The following GLDC variants were observed in gnomAD, a reference collection of about 807,000 sequenced individuals.
The protein encoded by GLDC is glycine dehydrogenase (decarboxylating), mitochondrial.
Under a neutral mutation model 121.3 loss-of-function variants are expected in GLDC, and 104 were observed. The observed-to-expected ratio is 0.86, with a 90% CI of 0.73 to 1.01. The LOEUF is 1.01. Among genes scored for constraint, GLDC ranks in the 50% least tolerant of loss-of-function variants. GLDC has a pLI of 0.00. For missense variants in GLDC, 1,429 were observed against 1,306.6 expected, an observed-to-expected ratio of 1.09 and a Z score of -1.44; for synonymous variants, 546 against 480.6, an observed-to-expected ratio of 1.14 and a Z score of -1.78.
At chr9:6,540,489 C>G (rs1023336794) in intron 21 of GLDC, 1 of 339,364 alleles carries the variant, frequency 2.9e-6, no homozygotes, top group African/African-American at 2.1e-5. Context: ...ATAAAATCTA[C>G]TTGCAACAGT....
rs545669935 is a variant in GLDC, at chr9:6,626,602, A to C, written c.335-6283T>G. On this transcript the variant is annotated intron_variant, in intron 2 of 24. Transcript: ENST00000321612. ...ATTTCAAGTGTTTCATTCAAATGTG[A>C]AAATCATCAGAGCTGCTATGGGGGA... 4.3e-3 allele frequency among the ~76,000 whole-genome samples: 649 copies of C among 152,342 alleles called. 1 individual carries two copies. Among genetic ancestry groups the C allele is most frequent in the African/African-American group, 0.014 (599 of 41,576 alleles).
intron 3 of GLDC, among the ~76,000 whole-genome samples, chr9:6,616,924 A>C (rs1587970155): frequency 6.6e-6 from 1 of 152,256 alleles, no homozygotes; most frequent in South Asian, 2.1e-4. Context: ...GCTGACAAAA[A>C]TATACCAAAC....
rs184498089 is a variant in GLDC, at chr9:6,532,788, G to T, written c.*229C>A. On this transcript the variant is annotated 3_prime_UTR_variant, in exon 25 of 25. Coordinates refer to ENST00000321612, the MANE Select transcript of GLDC (RefSeq NM_000170.3). ...AAAACACAAAATGGCTCCCAATCCA[G>T]GCAACTGGCACATGTGGAAGCAGAA... The T allele has an allele frequency of 5.6e-6, 3 of 537,392 alleles. No individual in the cohort carries two copies. Among genetic ancestry groups the T allele is most frequent in the Admixed American group, 3.1e-5 (1 of 32,090 alleles). The allele number at this position is 537,392 out of a possible 1,614,324, so 33.3% of individuals were successfully genotyped here.
chr9:6,533,858 C>CA (rs140518818), intron 24 of GLDC, among the ~76,000 whole-genome samples: 26,086 of 124,968 alleles, frequency 0.21, 2,422 homozygotes, highest in East Asian at 0.31. Context: ...AACTCTATCT[C>CA]AAAAAAAAAA....
chr9:6,592,994 C>T lies in GLDC; in HGVS notation c.1262-4G>A, dbSNP rs549797631. ...TGATGCCCTGCTCGCTTGAGACCTA[C>T]ACAAGATAGGAGATCCCCCAAACTC... On this transcript the variant is annotated splice_region_variant and splice_polypyrimidine_tract_variant and intron_variant, in intron 9 of 24. Coordinates refer to ENST00000321612, the MANE Select transcript of GLDC (RefSeq NM_000170.3). The T allele has an allele frequency of 6.0e-5, 97 of 1,614,096 alleles. 1 individual carries two copies. The South Asian group carries it at 9.1e-4, about 15-fold the overall frequency.
At chr9:6,561,829 T>A (rs1048914688) in intron 16 of GLDC, among the ~76,000 whole-genome samples, 1 of 152,176 alleles carries the variant, frequency 6.6e-6, no homozygotes, top group Non-Finnish European at 1.5e-5. Flanking sequence ...ATCTTTAGAC[T>A]TGTTGAATGA....
At position 6,620,078 on chromosome 9, in the gene GLDC, G is replaced by T. The variant is rs1380986219; in HGVS notation, c.470+106C>A. 5.7e-6 allele frequency: 6 copies of T among 1,054,088 alleles called. No homozygotes were observed. The East Asian group carries it at 1.4e-4, about 25-fold the overall frequency. The allele number at this position is 1,054,088 out of a possible 1,614,324, so 65.3% of individuals were successfully genotyped here. ...CCGGACATTGGAGACAGCACTAGGA[G>T]GTGGGTGTCAGTGTGGAGGCTCTGA... On this transcript the variant is annotated intron_variant, in intron 3 of 24. Transcript: ENST00000321612.
At chr9:6,565,212 G>C (rs1381910477) in intron 16 of GLDC, 142 bp downstream of exon 16, 1 of 759,696 alleles carries the variant, frequency 1.3e-6, no homozygotes, top group African/African-American at 1.7e-5. Context: ...ATAATGGCTA[G>C]TTCACAGAAA....
chr9:6,642,622 C>G lies in GLDC; in HGVS notation c.334+1992G>C, dbSNP rs997091413. On this transcript the variant is annotated intron_variant, in intron 2 of 24. Transcript: ENST00000321612. ...CACTTCCACAGTGAAGAATCAGAAT[C>G]CCTTAATGTTCAAATTATTCAGCTG... Among the ~76,000 whole-genome samples, 3 of 152,156 alleles carry G rather than the reference C, an allele frequency of 2.0e-5. No homozygotes were observed. In the East Asian group the frequency reaches 5.8e-4, roughly 29 times the overall value.
At position 6,620,258 on chromosome 9, in the gene GLDC, C is replaced by A. The variant is rs542613459; in HGVS notation, c.396G>T (p.Ser132=). 3 of 1,612,978 alleles carry A rather than the reference C, an allele frequency of 1.9e-6. No homozygotes were observed. Among genetic ancestry groups the A allele is most frequent in the African/African-American group, 2.7e-5 (2 of 75,036 alleles). ...AGTTATAATAGCCCATGCCAATATACGATCTCCAGATCTGGTTTTTGCTTG... is the reference window on the plus strand; with the variant it reads ...AGTTATAATAGCCCATGCCAATATAAGATCTCCAGATCTGGTTTTTGCTTG... ...AISSKNQIWR[S]YIGMGYYNCS... The change falls in exon 3 of 25, where the codon TCG becomes TCT. Residue 132 remains serine (S), a synonymous_variant. Transcript: ENST00000321612.
chr9:6,621,657 A>ACTCAGTCC (rs1164586771), intron 2 of GLDC, among the ~76,000 whole-genome samples: 1 of 152,110 alleles, frequency 6.6e-6, no homozygotes, highest in Non-Finnish European at 1.5e-5. Context: ...AGCTGGGACT[A>ACTCAGTCC]CAGTCGCACA....
chr9:6,628,200 C>T (rs1819287433), intron 2 of GLDC, among the ~76,000 whole-genome samples: 1 of 152,200 alleles, frequency 6.6e-6, no homozygotes, highest in South Asian at 2.1e-4. Context: ...CTAGAGGAAA[C>T]AGTATGGGGT....
chr9:6,575,705 C>A (rs921303130), intron 15 of GLDC, among the ~76,000 whole-genome samples: 1 of 152,204 alleles, frequency 6.6e-6, no homozygotes, highest in Non-Finnish European at 1.5e-5. Flanking sequence ...GCCAAGTGAG[C>A]TAATAATAAT....
At chr9:6,573,673 A>C (rs1277644458) in intron 15 of GLDC, among the ~76,000 whole-genome samples, 1 of 152,056 alleles carries the variant, frequency 6.6e-6, no homozygotes, top group Non-Finnish European at 1.5e-5. Flanking sequence ...CCCTCATCCA[A>C]ACTCTCCTTT....
At chr9:6,600,378 A>G (rs1424843313) in intron 8 of GLDC, among the ~76,000 whole-genome samples, 1 of 135,846 alleles carries the variant, frequency 7.4e-6, no homozygotes, top group Non-Finnish European at 1.5e-5. Flanking sequence ...CTGTCTCAAG[A>G]AAAAAAAAAA....
At chr9:6,627,775 T>A (rs13294720) in intron 2 of GLDC, among the ~76,000 whole-genome samples, 34,932 of 152,110 alleles carry the variant, frequency 0.23, 4,003 homozygotes, top group South Asian at 0.3. Flanking sequence ...TGATAAAATC[T>A]AAGACCTCAG....
chr9:6,578,617 G>A (rs1232402952), intron 15 of GLDC, among the ~76,000 whole-genome samples: 1 of 150,574 alleles, frequency 6.6e-6, no homozygotes, highest in Non-Finnish European at 1.5e-5. Flanking sequence ...ATGGCTCACT[G>A]CAGCCTCAAC....
chr9:6,550,990 C>A, intron 20 of GLDC, 76 bp from the exon 21 acceptor site: 1 of 933,946 alleles, frequency 1.1e-6, no homozygotes, highest in Non-Finnish European at 1.8e-6. Flanking sequence ...CAAAAGACAC[C>A]CCCAGATAAA....
At position 6,558,074 on chromosome 9, in the gene GLDC, G is replaced by A. The variant is rs1225916465; in HGVS notation, c.2052+485C>T. The stretch of plus-strand genomic sequence containing the variant: ...CAGTCCGCTGGTGGGAAGCAGATAC[G>A]GTTGCTAAGCAACTTCTTCCTGGAG... On this transcript the variant is annotated intron_variant, in intron 17 of 24. Transcript: ENST00000321612. 5 of 223,226 alleles carry A rather than the reference G, an allele frequency of 2.2e-5. No homozygotes were observed. In the East Asian group the frequency reaches 3.1e-4, roughly 14 times the overall value. The allele number at this position is 223,226 out of a possible 1,614,324, so 13.8% of individuals were successfully genotyped here. A position where few individuals can be genotyped will look rare whatever the true frequency, so the allele number is the denominator to read the frequency against.
Sources: gnomAD v4.1 joint callset for allele counts (sites outside exome capture counted in the v4.1 genomes callset) on GRCh38, gnomAD v4.1.1 for gene constraint, MANE v1.5 for transcripts, NCBI Gene and HGNC (gene_info 2026-07-23, HGNC 2026-07-21) for gene names.